Variants in ARHGEF4 observed in about 807,000 individuals in gnomAD.
ARHGEF4 encodes the protein APC-stimulated guanine nucleotide exchange factor 1.
In ARHGEF4, 119 loss-of-function variants were observed where a neutral mutation model predicts 162.0. The observed-to-expected ratio is 0.73, with a 90% CI of 0.63 to 0.86. The LOEUF (loss-of-function observed/expected upper bound fraction) is 0.86, where lower values mean the gene tolerates loss of function less well. Among genes scored for constraint, ARHGEF4 ranks in the 40% least tolerant of loss-of-function variants. The pLI is 0.00. For synonymous variants in ARHGEF4, 1,014 were observed against 979.9 expected (o/e 1.03, Z -0.65); for missense variants, 2,488 against 2,456.0 (o/e 1.01, Z -0.28).
chr2:130,839,278 G>A (rs936127982), intron 1 of ARHGEF4, among the ~76,000 whole-genome samples: 9 of 152,168 alleles, frequency 5.9e-5, no homozygotes, highest in South Asian at 2.1e-4. Flanking sequence ...TTCAGTCACC[G>A]CCTGGTGCCT....
At chr2:130,872,242 A>T (rs951385351) in intron 1 of ARHGEF4, among the ~76,000 whole-genome samples, 2 of 152,176 alleles carry the variant, frequency 1.3e-5, no homozygotes, top group Non-Finnish European at 2.9e-5. Context: ...AGCTTCAGGG[A>T]GCTGGCAGAG....
intron 5 of ARHGEF4, among the ~76,000 whole-genome samples, chr2:131,030,677 TGA>T (rs1280225879): frequency 6.6e-6 from 1 of 152,212 alleles, no homozygotes; most frequent in Non-Finnish European, 1.5e-5. Flanking sequence ...AAGGCTGTCC[TGA>T]GAGAGGCAGT....
chr2:130,988,891 TATATATATATAGAGAGAGAG>T (rs1337982413), intron 4 of ARHGEF4, among the ~76,000 whole-genome samples: 60 of 116,260 alleles, frequency 5.2e-4, no homozygotes, highest in African/African-American at 1.6e-3. Context: ...TATATATATA[TATATATATATAGAGAGAGAG>T]AGAGAGAGAG....
At chr2:130,940,051 T>A (rs1236111799) in intron 3 of ARHGEF4, among the ~76,000 whole-genome samples, 4 of 152,190 alleles carry the variant, frequency 2.6e-5, no homozygotes, top group Admixed American at 2.0e-4. Context: ...AGGGGGTATT[T>A]CTTCCTTTCT....
chr2:131,012,819 G>A (rs1198957882), intron 4 of ARHGEF4, among the ~76,000 whole-genome samples: 3 of 152,198 alleles, frequency 2.0e-5, no homozygotes, highest in Non-Finnish European at 4.4e-5. Flanking sequence ...GACCTCAGGT[G>A]ATCCGCCCAC....
chr2:130,939,547 T>C (rs1683166254), intron 3 of ARHGEF4, among the ~76,000 whole-genome samples: 1 of 152,232 alleles, frequency 6.6e-6, no homozygotes, highest in Admixed American at 6.5e-5. Context: ...ATTTCTTTTT[T>C]TTCAACATTG....
At chr2:130,875,898 A>G (rs1049528084) in intron 1 of ARHGEF4, among the ~76,000 whole-genome samples, 13 of 152,164 alleles carry the variant, frequency 8.5e-5, no homozygotes, top group African/African-American at 3.1e-4. Context: ...AGTCTTTAAC[A>G]CCAATCCAGC....
At chr2:130,925,075 T>C (rs62178871) in intron 2 of ARHGEF4, among the ~76,000 whole-genome samples, 2 of 124,370 alleles carry the variant, frequency 1.6e-5, no homozygotes, top group Non-Finnish European at 1.7e-5. Context: ...TGTGTGTGTG[T>C]GTGTGCGTCT....
At chr2:130,872,356 C>T (rs950281144) in intron 1 of ARHGEF4, among the ~76,000 whole-genome samples, 3 of 152,242 alleles carry the variant, frequency 2.0e-5, no homozygotes, top group East Asian at 1.9e-4. Context: ...ATGCGACTGA[C>T]GGCAGATGAA....
intron 4 of ARHGEF4, among the ~76,000 whole-genome samples, chr2:130,987,630 C>T (rs1686609785): frequency 6.6e-6 from 1 of 152,126 alleles, no homozygotes; most frequent in Admixed American, 6.5e-5. Flanking sequence ...CTGATTAGTG[C>T]ATTTTACAAT....
chr2:130,941,957 A>G (rs1435100812), intron 3 of ARHGEF4, among the ~76,000 whole-genome samples: 1 of 152,182 alleles, frequency 6.6e-6, no homozygotes, highest in Non-Finnish European at 1.5e-5. Context: ...ATATGTGTAC[A>G]GGGTCCAGTT....
At chr2:130,874,094 T>A (rs1364600085) in intron 1 of ARHGEF4, among the ~76,000 whole-genome samples, 2 of 142,154 alleles carry the variant, frequency 1.4e-5, no homozygotes, top group Non-Finnish European at 2.9e-5. Context: ...AGCTTTTAAC[T>A]CTCCTTTTTA....
rs989818747 is a variant in ARHGEF4 at position 130,916,142 on chromosome 2, C to G, written c.2196C>G (p.Pro732=). 3.0e-5 allele frequency: 46 copies of G among 1,549,274 alleles called. No individual in the cohort carries two copies. The highest frequency in any genetic ancestry group is 5.9e-5 in the Admixed American group (3 of 50,994). Residue 732 remains proline (P), a synonymous_variant, in exon 2 of 14, where the codon CCC becomes CCG. Transcript: ENST00000409359. ...ASEETPSTEE[P]PGERLRGESR... is the part of the protein sequence containing the mutation. ...AAGAGACGCCGAGCACAGAGGAGCC[C>G]CCGGGAGAGAGACTGCGTGGGGAGA...
chr2:130,910,304 G>C (rs1056982738), intron 1 of ARHGEF4, among the ~76,000 whole-genome samples: 1 of 152,128 alleles, frequency 6.6e-6, no homozygotes, highest in Non-Finnish European at 1.5e-5. Context: ...AAAATAAAAG[G>C]ATGGAAAAAA....
intron 1 of ARHGEF4, among the ~76,000 whole-genome samples, chr2:130,911,298 C>G (rs1202004293): frequency 1.3e-5 from 2 of 152,160 alleles, no homozygotes; most frequent in East Asian, 3.9e-4. Context: ...TAGAATAAGA[C>G]AGTTGGGAAG....
In ARHGEF4 at chr2:131,046,393, G is replaced by A; in HGVS notation, c.*204G>A. ...CCTGGTGCCCTGAAGAGACCAGCAA[G>A]GGGGCAGACCCCGCACTCGCCACAC... On this transcript the variant is annotated 3_prime_UTR_variant, in exon 14 of 14. Transcript: ENST00000409359. 1 of 601,312 alleles carries A rather than the reference G, an allele frequency of 1.7e-6. No individual in the cohort carries two copies. The highest frequency in any genetic ancestry group is 2.9e-6 in the Non-Finnish European group (1 of 346,564). 37.2% of individuals were successfully genotyped at this position (601,312 alleles called of 1,614,324 possible).
intron 12 of ARHGEF4, 78 bp downstream of exon 12, chr2:131,044,620 G>C: frequency 1.3e-6 from 2 of 1,500,172 alleles, no homozygotes; most frequent in Non-Finnish European, 1.8e-6. Flanking sequence ...CTGCCGGTCA[G>C]GAGAGCGCCG....
chr2:130,900,239 G>C (rs1680407048), intron 1 of ARHGEF4, among the ~76,000 whole-genome samples: 1 of 152,142 alleles, frequency 6.6e-6, no homozygotes, highest in Non-Finnish European at 1.5e-5. Context: ...GATCCACTTA[G>C]ATTACGTTAT....
chr2:130,972,785 G>C (rs963777166), intron 4 of ARHGEF4, among the ~76,000 whole-genome samples: 1 of 152,196 alleles, frequency 6.6e-6, no homozygotes. Context: ...ACTAAGGATA[G>C]TGCAACTGAC....
Sources: allele counts gnomAD v4.1 joint callset (sites outside exome capture counted in the v4.1 genomes callset), GRCh38; gene constraint gnomAD v4.1.1; transcripts MANE v1.5; gene names NCBI Gene and HGNC (gene_info 2026-07-23, HGNC 2026-07-21).